Variants in BAHCC1 observed in about 807,000 individuals in gnomAD.
The protein encoded by BAHCC1 is BAH domain and coiled-coil containing 1.
Under a neutral mutation model 88.2 loss-of-function variants are expected in BAHCC1, and 43 were observed. That is an observed-to-expected ratio of 0.49 (90% CI 0.38 to 0.63). The LOEUF (loss-of-function observed/expected upper bound fraction) is 0.63, where lower values mean the gene tolerates loss of function less well. Ranked by LOEUF, BAHCC1 falls within the 20% of genes least tolerant of loss-of-function variation. BAHCC1 has a pLI of 0.00. For synonymous variants in BAHCC1, 1,510 were observed against 745.5 expected (o/e 2.03, Z -16.71); for missense variants, 3,023 against 1,654.8 (o/e 1.83, Z -14.34).
chr17:81,397,855 C>G (rs912957934), intron 1 of BAHCC1, among the ~76,000 whole-genome samples: 1 of 152,192 alleles, frequency 6.6e-6, no homozygotes, highest in Non-Finnish European at 1.5e-5. Flanking sequence ...TGTGTAGACC[C>G]ATTTATTTAC....
At chr17:81,425,562 T>G (rs1167321486) in intron 2 of BAHCC1, among the ~76,000 whole-genome samples, 1 of 3,132 alleles carries the variant, frequency 3.2e-4, no homozygotes, top group African/African-American at 1.3e-3. Context: ...GTGATGTGGT[T>G]GGTGGTGATG....
intron 23 of BAHCC1, 24 bp from the exon 24 acceptor site, chr17:81,460,253 C>T (rs1555658715): frequency 2.7e-6 from 2 of 745,276 alleles, no homozygotes; most frequent in Admixed American, 1.9e-5. Context: ...GTTCCAGCTG[C>T]AAGCTCAGGT....
intron 2 of BAHCC1, among the ~76,000 whole-genome samples, chr17:81,423,734 G>A (rs553042586): frequency 1.5e-3 from 223 of 152,268 alleles, no homozygotes; most frequent in African/African-American, 5.1e-3. Flanking sequence ...TGTGTCCTCC[G>A]TGTGCAGGAG....
chr17:81,405,576 C>CCAGGCT (rs1209982576), intron 2 of BAHCC1, among the ~76,000 whole-genome samples: 1 of 152,170 alleles, frequency 6.6e-6, no homozygotes, highest in Non-Finnish European at 1.5e-5. Flanking sequence ...TGATCTAGCT[C>CCAGGCT]CAGGGTCTGA....
At position 81,460,848 on chromosome 17, in the gene BAHCC1, C is replaced by T; in HGVS notation, c.6203-18C>T. 1 of 766,634 alleles carries T rather than the reference C, an allele frequency of 1.3e-6. No individual in the cohort carries two copies. Among genetic ancestry groups the T allele is most frequent in the East Asian group, 2.4e-5 (1 of 41,236 alleles). The allele number at this position is 766,634 out of a possible 1,614,324, so 47.5% of individuals were successfully genotyped here. A position where few individuals can be genotyped will look rare whatever the true frequency, so the allele number is the denominator to read the frequency against. Reference sequence around the variant, plus strand: ...GTGGGCCCAGCTGGGGCTGACTCTGCTGGGCTTTTGCCCTCAGGTAAAGCC... The same window carrying T: ...GTGGGCCCAGCTGGGGCTGACTCTGTTGGGCTTTTGCCCTCAGGTAAAGCC... On this transcript the variant is annotated intron_variant, in intron 25 of 27. Transcript: ENST00000675386.
intron 6 of BAHCC1, 142 bp downstream of exon 6, chr17:81,444,059 C>A: frequency 1.6e-6 from 1 of 620,050 alleles, no homozygotes; most frequent in Non-Finnish European, 2.9e-6. Flanking sequence ...TTCTCCCCAC[C>A]CCTAGAGCCT....
At chr17:81,431,865 G>C (rs2064264748) in intron 3 of BAHCC1, among the ~76,000 whole-genome samples, 1 of 152,164 alleles carries the variant, frequency 6.6e-6, no homozygotes, top group Admixed American at 6.5e-5. Context: ...CAGGAGCCAG[G>C]GACTTAGCCA....
At chr17:81,425,225 T>TG (rs2064167459) in intron 2 of BAHCC1, among the ~76,000 whole-genome samples, 1 of 5,562 alleles carries the variant, frequency 1.8e-4, no homozygotes, top group African/African-American at 1.2e-3. Context: ...ATGTGGTTGG[T>TG]GGTGATGTGG....
chr17:81,453,291 C>T (rs1163687734), intron 14 of BAHCC1, among the ~76,000 whole-genome samples: 3 of 152,262 alleles, frequency 2.0e-5, no homozygotes, highest in South Asian at 2.1e-4. Context: ...CCGGCGCAGT[C>T]GTTGGCGCAC....
At chr17:81,418,067 C>G (rs370051688) in intron 2 of BAHCC1, among the ~76,000 whole-genome samples, 1 of 152,240 alleles carries the variant, frequency 6.6e-6, no homozygotes, top group South Asian at 2.1e-4. Flanking sequence ...CCCAGGGGGC[C>G]AAGGCACCCT....
At position 81,411,791 on chromosome 17, in the gene BAHCC1, T is replaced by C. The variant is rs1244607958; in HGVS notation, c.178+11874T>C. On this transcript the variant is annotated intron_variant, in intron 2 of 27. Transcript: ENST00000675386. This position sits in a 1 kb window ranked among gnomAD's most constrained non-coding sequence, Gnocchi z 6.2. ...CCCTGGGTCTCTGGGCCTTTGCCTC[T>C]ACCCACACCTGCACGCCTCAGCAAG... Among the ~76,000 whole-genome samples, 7 of 152,168 alleles carry C rather than the reference T, an allele frequency of 4.6e-5. No individual in the cohort carries two copies. Among genetic ancestry groups the C allele is most frequent in the Non-Finnish European group, 7.4e-5 (5 of 68,020 alleles).
chr17:81,445,710 T>TG (rs782256045), intron 10 of BAHCC1, 29 bp downstream of exon 10: 2 of 715,226 alleles, frequency 2.8e-6, no homozygotes, highest in Admixed American at 4.0e-5. Flanking sequence ...CCCGGCCCAC[T>TG]GTGCTCCGCT....
intron 2 of BAHCC1, chr17:81,406,922 C>G (rs77138583): frequency 2.2e-4 from 101 of 456,310 alleles, no homozygotes; most frequent in African/African-American, 1.9e-3. Context: ...GGTTCCCGAT[C>G]GGATCAGCCA....
intron 18 of BAHCC1, 73 bp downstream of exon 18, chr17:81,458,539 C>CGCACTCCCCT (rs2029940491): frequency 3.0e-6 from 2 of 677,700 alleles, no homozygotes; most frequent in South Asian, 1.6e-5. Flanking sequence ...CGCCCTCCCC[C>CGCACTCCCCT]GCACGCTGGC....
At position 81,399,484 on chromosome 17, in the gene BAHCC1, C is replaced by T. The variant is rs1443971022; in HGVS notation, c.-206-50C>T. The T allele has an allele frequency of 9.0e-6, 2 of 221,714 alleles. No homozygotes were observed. The highest frequency in any genetic ancestry group is 3.9e-5 in the South Asian group (1 of 25,394). 13.7% of individuals were successfully genotyped at this position (221,714 alleles called of 1,614,324 possible). A position where few individuals can be genotyped will look rare whatever the true frequency, so the allele number is the denominator to read the frequency against. The stretch of plus-strand genomic sequence containing the variant: ...AGCGGGCGGGGCGGGGACCCCCGGG[C>T]GAGCCGAGCCCCCCAGTCACCCGTG... On this transcript the variant is annotated intron_variant, in intron 1 of 27. Coordinates refer to ENST00000675386, the MANE Select transcript of BAHCC1 (RefSeq NM_001377448.1). The surrounding 1 kb of genome is among the most constrained non-coding windows in gnomAD (Gnocchi z 4.5).
intron 23 of BAHCC1, 131 bp downstream of exon 23, chr17:81,459,735 A>G (rs1232041656): frequency 1.7e-6 from 1 of 603,224 alleles, no homozygotes; most frequent in Non-Finnish European, 3.0e-6. Flanking sequence ...GAGTACGACA[A>G]TAAAATGAGC....
Position 81,452,760 on chromosome 17 carries a change from C to T in BAHCC1, c.4354C>T (p.Pro1452Ser). Residue 1452 changes from proline to serine, a missense_variant, in exon 14 of 28, where the codon CCT becomes TCT. Coordinates refer to ENST00000675386, the MANE Select transcript of BAHCC1 (RefSeq NM_001377448.1). ...TTCACGGAGCCCTGCACGGCGGGGGCCTGGCCGGCCGAGGAAGCGCAAACA... is the reference window on the plus strand; with the variant it reads ...TTCACGGAGCCCTGCACGGCGGGGGTCTGGCCGGCCGAGGAAGCGCAAACA... ...ESSRSPARRG[P>S]GRPRKRKHSS... 2.7e-6 allele frequency: 2 copies of T among 746,254 alleles called. No homozygotes were observed. Among genetic ancestry groups the T allele is most frequent in the Non-Finnish European group, 4.9e-6 (2 of 405,062 alleles). 46.2% of individuals were successfully genotyped at this position (746,254 alleles called of 1,614,324 possible). A position where few individuals can be genotyped will look rare whatever the true frequency, so the allele number is the denominator to read the frequency against.
At chr17:81,463,189 C>T (rs1335873205) in intron 27 of BAHCC1, among the ~76,000 whole-genome samples, 1 of 152,148 alleles carries the variant, frequency 6.6e-6, no homozygotes, top group Non-Finnish European at 1.5e-5. Flanking sequence ...GGGCTGTGGC[C>T]CACAGCAGTG....
chr17:81,452,167 G>A lies in BAHCC1; in HGVS notation c.4316+60G>A, dbSNP rs1417290640. 2.0e-5 allele frequency: 11 copies of A among 551,528 alleles called. No homozygotes were observed. In the Admixed American group the frequency reaches 2.5e-4, roughly 12 times the overall value. 34.2% of individuals were successfully genotyped at this position (551,528 alleles called of 1,614,324 possible). ...CGCAGCACCCCCACCCCCGGGAGGCGCCCACAGTGCTGGGGCCGATGTGGG... is the reference window on the plus strand; with the variant it reads ...CGCAGCACCCCCACCCCCGGGAGGCACCCACAGTGCTGGGGCCGATGTGGG... On this transcript the variant is annotated intron_variant, in intron 13 of 27. Transcript: ENST00000675386.
Sources: gnomAD v4.1 joint callset for allele counts (sites outside exome capture counted in the v4.1 genomes callset) on GRCh38, gnomAD v4.1.1 for gene constraint, Gnocchi (gnomAD v3.1) non-coding constraint, MANE v1.5 for transcripts, NCBI Gene and HGNC (gene_info 2026-07-23, HGNC 2026-07-21) for gene names.